Variants in FRMD4A observed in about 807,000 individuals in gnomAD.
The protein encoded by FRMD4A is FERM domain containing 4A, also known as FERM domain-containing protein 4A.
Under a neutral mutation model 129.1 loss-of-function variants are expected in FRMD4A, and 29 were observed. The ratio of observed to expected loss-of-function variants is 0.22; its 90% CI spans 0.17 to 0.31. The LOEUF is 0.31. FRMD4A is among the 10% of genes least tolerant of loss of function. FRMD4A has a pLI of 1.00. For synonymous variants in FRMD4A, 634 were observed against 571.6 expected, an observed-to-expected ratio of 1.11 and a Z score of -1.56; for missense variants, 1,272 against 1,375.8, an observed-to-expected ratio of 0.92 and a Z score of 1.19.
chr10:14,051,549 C>G (rs1483883433), intron 2 of FRMD4A, among the ~76,000 whole-genome samples: 1 of 152,190 alleles, frequency 6.6e-6, no homozygotes, highest in Non-Finnish European at 1.5e-5. Context: ...GGAAGAGGAG[C>G]TGGAAATGAA....
chr10:13,914,228 G>T (rs1364811862), intron 2 of FRMD4A, among the ~76,000 whole-genome samples: 2 of 152,206 alleles, frequency 1.3e-5, no homozygotes, highest in African/African-American at 4.8e-5. Flanking sequence ...AGTTTCTCAT[G>T]ATCTACTCAA....
At position 13,713,768 on chromosome 10, in the gene FRMD4A, CACATATATATAATATATAT is replaced by C. The variant is rs2088284744; in HGVS notation, c.760-6674_760-6656del. On this transcript the variant is annotated intron_variant, in intron 12 of 24. Transcript: ENST00000357447. ...GGGGCAACAGAAGTAGGTATATATACACATATATATAATATATATACATATATGTAATATATATACACAT... is the reference window on the plus strand; with the variant it reads ...GGGGCAACAGAAGTAGGTATATATACACATATATGTAATATATATACACAT... 8.6e-5 allele frequency among the ~76,000 whole-genome samples: 12 copies of C among 139,798 alleles called. 1 individual carries two copies. The highest frequency in any genetic ancestry group is 2.4e-4 in the Admixed American group (3 of 12,690). 91.7% of individuals were successfully genotyped at this position (139,798 alleles called of 152,430 possible).
At chr10:14,139,202 A>ATTT (rs1370328690) in intron 2 of FRMD4A, among the ~76,000 whole-genome samples, 14 of 152,244 alleles carry the variant, frequency 9.2e-5, no homozygotes, top group Admixed American at 2.6e-4. Flanking sequence ...TTTGGCAGTC[A>ATTT]AATGATGGTT....
At chr10:14,150,823 T>C (rs567850664) in intron 2 of FRMD4A, among the ~76,000 whole-genome samples, 14 of 152,144 alleles carry the variant, frequency 9.2e-5, no homozygotes, top group Non-Finnish European at 1.5e-4. Flanking sequence ...CATTAGCTAA[T>C]GAAACAAGGT....
At chr10:13,841,321 G>C (rs2093961667) in intron 3 of FRMD4A, among the ~76,000 whole-genome samples, 1 of 152,138 alleles carries the variant, frequency 6.6e-6, no homozygotes, top group African/African-American at 2.4e-5. Flanking sequence ...GAAACCCTTG[G>C]AATTTCCTGA....
intron 3 of FRMD4A, among the ~76,000 whole-genome samples, chr10:13,850,283 A>G (rs896623076): frequency 2.6e-5 from 4 of 152,186 alleles, no homozygotes; most frequent in African/African-American, 9.7e-5. Flanking sequence ...AAAAAGTCAT[A>G]CATTTTTTTT....
Position 13,645,751 on chromosome 10 carries a change from C to T in FRMD4A, c.*1287G>A, listed in dbSNP as rs1335628419. ...ATAGTTGGGTTCTTGGAATAAGTGA[C>T]ACATAGGAGAAGTCGGATCTGAGCT... On this transcript the variant is annotated 3_prime_UTR_variant, in exon 25 of 25. Coordinates refer to ENST00000357447, the MANE Select transcript of FRMD4A (RefSeq NM_018027.5). The T allele has an allele frequency of 6.6e-6, 1 of 152,518 alleles. No homozygotes were observed. Among genetic ancestry groups the T allele is most frequent in the African/African-American group, 2.4e-5 (1 of 41,420 alleles). The allele number at this position is 152,518 out of a possible 1,614,324, so 9.4% of individuals were successfully genotyped here. A position where few individuals can be genotyped will look rare whatever the true frequency, so the allele number is the denominator to read the frequency against.
At chr10:14,101,288 C>G (rs932585389) in intron 2 of FRMD4A, among the ~76,000 whole-genome samples, 2 of 152,114 alleles carry the variant, frequency 1.3e-5, no homozygotes, top group South Asian at 4.1e-4. Context: ...ATCCTTCCTG[C>G]GGGCAATGAA....
intron 2 of FRMD4A, among the ~76,000 whole-genome samples, chr10:14,249,482 C>A (rs1844361454): frequency 6.6e-6 from 1 of 152,196 alleles, no homozygotes; most frequent in African/African-American, 2.4e-5. Context: ...CATGCTGAAG[C>A]CCCAGTCTGC....
chr10:14,006,547 G>C (rs915332697), intron 2 of FRMD4A, among the ~76,000 whole-genome samples: 1 of 152,182 alleles, frequency 6.6e-6, no homozygotes, highest in African/African-American at 2.4e-5. Flanking sequence ...TATAAATGGA[G>C]GTTTCCAGGC....
At position 13,674,894 on chromosome 10, in the gene FRMD4A, A is replaced by T; in HGVS notation, c.1251+17T>A. ...AGACAACACCAATTTCAACGGGATGAGCTAGGAAAGGCTTACAGCTTCTCG... is the reference window on the plus strand; with the variant it reads ...AGACAACACCAATTTCAACGGGATGTGCTAGGAAAGGCTTACAGCTTCTCG... On this transcript the variant is annotated intron_variant, in intron 16 of 24. Transcript: ENST00000357447. 6.2e-7 allele frequency: 1 copy of T among 1,613,326 alleles called. No homozygotes were observed. The highest frequency in any genetic ancestry group is 8.5e-7 in the Non-Finnish European group (1 of 1,179,318).
chr10:13,871,932 G>A (rs1021828387), intron 2 of FRMD4A, among the ~76,000 whole-genome samples: 16 of 152,256 alleles, frequency 1.1e-4, no homozygotes, highest in South Asian at 4.1e-4. Context: ...TCGGCCACCC[G>A]GGGCTGTGGC....
At chr10:13,673,709 G>A (rs145307660) in intron 16 of FRMD4A, among the ~76,000 whole-genome samples, 129 of 149,332 alleles carry the variant, frequency 8.6e-4, no homozygotes, top group African/African-American at 3.0e-3. Context: ...AATAAATAAA[G>A]ACAGCAGCTT....
intron 2 of FRMD4A, among the ~76,000 whole-genome samples, chr10:13,952,480 G>A (rs1261236040): frequency 6.6e-6 from 1 of 151,962 alleles, no homozygotes; most frequent in East Asian, 1.9e-4. Context: ...CAGCCCAGGT[G>A]ACAGAGCGAG....
chr10:14,057,767 A>G (rs1469764261), intron 2 of FRMD4A, among the ~76,000 whole-genome samples: 1 of 152,042 alleles, frequency 6.6e-6, no homozygotes, highest in Non-Finnish European at 1.5e-5. Flanking sequence ...ATGGGGTTTC[A>G]CCATGTTGGT....
chr10:13,701,005 A>C (rs1564642987), intron 14 of FRMD4A, among the ~76,000 whole-genome samples: 2 of 152,142 alleles, frequency 1.3e-5, no homozygotes, highest in South Asian at 4.2e-4. Context: ...CACTGTTTAA[A>C]CACCAAAAAG....
chr10:13,813,764 C>T (rs567454710), intron 3 of FRMD4A, among the ~76,000 whole-genome samples: 13 of 152,266 alleles, frequency 8.5e-5, no homozygotes, highest in East Asian at 3.9e-4. Context: ...GCTGCCAGAG[C>T]GTATTGTACC....
intron 2 of FRMD4A, among the ~76,000 whole-genome samples, chr10:14,050,760 A>C (rs1219990728): frequency 6.6e-6 from 1 of 152,208 alleles, no homozygotes; most frequent in Non-Finnish European, 1.5e-5. Flanking sequence ...GAGAGCTTCC[A>C]AGTGGGTGAA....
At chr10:13,983,756 T>C (rs1037169221) in intron 2 of FRMD4A, among the ~76,000 whole-genome samples, 1 of 151,922 alleles carries the variant, frequency 6.6e-6, no homozygotes, top group African/African-American at 2.4e-5. Flanking sequence ...TCCCAGCTCT[T>C]TGGGAGGCCG....
Sources: allele counts gnomAD v4.1 joint callset (sites outside exome capture counted in the v4.1 genomes callset), GRCh38; gene constraint gnomAD v4.1.1; transcripts MANE v1.5; gene names NCBI Gene and HGNC (gene_info 2026-07-23, HGNC 2026-07-21).